The following FGL1 variants were observed in gnomAD, a reference collection of about 807,000 sequenced individuals.
The protein encoded by FGL1 is fibrinogen like 1, also known as fibrinogen-like protein 1.
Under a neutral mutation model 43.7 loss-of-function variants are expected in FGL1, and 59 were observed. The ratio of observed to expected loss-of-function variants is 1.35; its 90% confidence interval spans 1.10 to 1.68. The LOEUF (loss-of-function observed/expected upper bound fraction) is 1.68. Ranked by LOEUF, FGL1 falls within the 40% of genes most tolerant of loss-of-function variation. FGL1 has a pLI of 0.00. For synonymous variants in FGL1, 192 were observed against 126.5 expected, an observed-to-expected ratio of 1.52 and a Z score of -3.48; for missense variants, 596 against 373.0, an observed-to-expected ratio of 1.60 and a Z score of -4.92.
intron 1 of FGL1, among the ~76,000 whole-genome samples, chr8:17,889,766 G>C (rs891900991): frequency 6.6e-6 from 1 of 152,038 alleles, no homozygotes; most frequent in Non-Finnish European, 1.5e-5. Context: ...GTATTATGTT[G>C]AACTATAAGA....
intron 6 of FGL1, 34 bp downstream of exon 6, chr8:17,868,882 A>G: frequency 6.6e-7 from 1 of 1,521,422 alleles, no homozygotes; most frequent in East Asian, 2.3e-5. Flanking sequence ...TTAAGCATTT[A>G]TTCACGGTTT....
Position 17,868,750 on chromosome 8 carries a change from C to A in FGL1, c.592-15G>T. ...TCGTAGAAATTCTAAAGAAAAAGGG[C>A]ATTTCTGCTGTCAGTGGAGTTCCTC... On this transcript the variant is annotated splice_polypyrimidine_tract_variant and intron_variant, in intron 6 of 7. Transcript: ENST00000427924. The A allele has an allele frequency of 6.2e-7, 1 of 1,602,720 alleles. No homozygotes were observed.
chr8:17,891,738 T>A (rs1415037772), intron 1 of FGL1: 1 of 983,876 alleles, frequency 1.0e-6, no homozygotes, highest in Non-Finnish European at 1.2e-6. Context: ...CAGTTGCTTA[T>A]GGGAGATCAA....
In FGL1 at chr8:17,867,701, C is replaced by T. The variant is rs562917616; in HGVS notation, c.779+847G>A. Among the ~76,000 whole-genome samples the T allele has an allele frequency of 1.1e-3, 169 of 152,288 alleles. 1 individual carries two copies. The highest frequency in any genetic ancestry group is 3.8e-3 in the African/African-American group (156 of 41,538). On this transcript the variant is annotated intron_variant, in intron 7 of 7. Transcript: ENST00000427924. Reference sequence around the variant, plus strand: ...GCAGGGAGGGCTTTCAGCGTGGATACGCTAGACAGAGGGGTGACCCACCTC... The same window carrying T: ...GCAGGGAGGGCTTTCAGCGTGGATATGCTAGACAGAGGGGTGACCCACCTC...
At chr8:17,867,142 G>A (rs1022774633) in intron 7 of FGL1, among the ~76,000 whole-genome samples, 1 of 152,200 alleles carries the variant, frequency 6.6e-6, no homozygotes, top group Non-Finnish European at 1.5e-5. Context: ...CTTATCTGCA[G>A]GGGATACGTT....
chr8:17,868,465 A>G (rs1261055648), intron 7 of FGL1, 83 bp downstream of exon 7: 4 of 1,015,466 alleles, frequency 3.9e-6, no homozygotes, highest in Non-Finnish European at 5.5e-6. Flanking sequence ...GACTAACATT[A>G]CCATACATAT....
intron 1 of FGL1, chr8:17,891,808 C>T (rs35522859): frequency 3.1e-6 from 3 of 983,494 alleles, no homozygotes; most frequent in East Asian, 1.1e-4. Flanking sequence ...CATCTTCACC[C>T]TTCCAGCAAC....
At chr8:17,885,050 T>G in intron 2 of FGL1, among the ~76,000 whole-genome samples, 1 of 151,916 alleles carries the variant, frequency 6.6e-6, no homozygotes, top group Non-Finnish European at 1.5e-5. Flanking sequence ...AAGCACTTTT[T>G]TTTTTTTTGA....
At chr8:17,892,254 T>A (rs1333307702) in intron 1 of FGL1, among the ~76,000 whole-genome samples, 2 of 152,106 alleles carry the variant, frequency 1.3e-5, no homozygotes, top group African/African-American at 4.8e-5. Context: ...GTCACAGACA[T>A]ACAGTCATAA....
chr8:17,891,498 T>A (rs2053704495), intron 1 of FGL1: 1 of 159,982 alleles, frequency 6.3e-6, no homozygotes, highest in South Asian at 2.0e-4. Flanking sequence ...TGGATTAGGG[T>A]CTGCCCTAAT....
rs968333930 is a variant in FGL1, at chr8:17,874,398, A to G, written c.368T>C (p.Ile123Thr). The G allele has an allele frequency of 2.5e-6, 4 of 1,614,004 alleles. No individual in the cohort carries two copies. Among genetic ancestry groups the G allele is most frequent in the Non-Finnish European group, 3.4e-6 (4 of 1,179,998 alleles). ...DMSDGGGWTV[I>T]QRRSDGSENF... ...TTCACTGCCATCAGATCGTCTCTGA[A>G]TTACAGTCCATCCTCCTCCATCGGA... The change falls in exon 4 of 8, where the codon ATT (isoleucine) becomes ACT (threonine). Residue 123 changes from isoleucine (I) to threonine (T), a missense_variant. By Grantham distance (89) the Ile-to-Thr change is moderately conservative (BLOSUM62 -1). Coordinates refer to ENST00000427924, the MANE Select transcript of FGL1 (RefSeq NM_004467.4).
chr8:17,890,352 G>A (rs2131746802), intron 1 of FGL1, among the ~76,000 whole-genome samples: 1 of 152,276 alleles, frequency 6.6e-6, no homozygotes, highest in East Asian at 1.9e-4. Context: ...TAATCTGTGA[G>A]CATCCACCTC....
chr8:17,875,691 G>A (rs1356046196), intron 3 of FGL1, among the ~76,000 whole-genome samples: 1 of 151,526 alleles, frequency 6.6e-6, no homozygotes, highest in Non-Finnish European at 1.5e-5. Context: ...TACAACCTCC[G>A]CCTCCCGGGT....
chr8:17,864,589 C>A lies in FGL1; in HGVS notation c.*3G>T. 6.2e-7 allele frequency: 1 copy of A among 1,602,112 alleles called. No homozygotes were observed. The highest frequency in any genetic ancestry group is 8.5e-7 in the Non-Finnish European group (1 of 1,176,768). ...TGCAGAAACGAAAGCCCAACAGCAG[C>A]AATTAAATTACATTTGGAATAAAAT... is the stretch of plus-strand genomic sequence containing the variant. On this transcript the variant is annotated 3_prime_UTR_variant, in exon 8 of 8. Coordinates refer to ENST00000427924, the MANE Select transcript of FGL1 (RefSeq NM_004467.4).
chr8:17,882,262 G>A (rs2053549007), intron 2 of FGL1, 83 bp from the exon 3 acceptor site: 3 of 1,301,812 alleles, frequency 2.3e-6, no homozygotes, highest in African/African-American at 3.0e-5. Context: ...ATAAATCAGT[G>A]ATTCCATTTT....
chr8:17,867,289 T>C (rs953893827), intron 7 of FGL1, among the ~76,000 whole-genome samples: 2 of 151,946 alleles, frequency 1.3e-5, no homozygotes, highest in African/African-American at 4.8e-5. Flanking sequence ...TTTACCAAAC[T>C]GAAAGACATG....
Position 17,891,509 on chromosome 8 carries a change from C to G in FGL1, c.-18+3938G>C, listed in dbSNP as rs76593567. 4.0e-3 allele frequency: 698 copies of G among 173,064 alleles called. 5 individuals carry two copies. Among genetic ancestry groups the G allele is most frequent in the African/African-American group, 0.016 (667 of 41,846 alleles). The allele number at this position is 173,064 out of a possible 1,614,324, so 10.7% of individuals were successfully genotyped here. A position where few individuals can be genotyped will look rare whatever the true frequency, so the allele number is the denominator to read the frequency against. ...TCATTGGATTAGGGTCTGCCCTAAT[C>G]CAGTATGACCTCATCTTAACTCAGT... On this transcript the variant is annotated intron_variant, in intron 1 of 7. Transcript: ENST00000427924.
chr8:17,873,941 C>T (rs571679676), intron 5 of FGL1, 78 bp downstream of exon 5: 15 of 933,722 alleles, frequency 1.6e-5, no homozygotes, highest in Non-Finnish European at 2.3e-5. Context: ...AGTTCCATTG[C>T]CTATAATTTG....
chr8:17,874,048 T>C lies in FGL1; in HGVS notation c.473A>G (p.Asn158Ser). 6.2e-7 allele frequency: 1 copy of C among 1,611,368 alleles called. No homozygotes were observed. The highest frequency in any genetic ancestry group is 8.5e-7 in the Non-Finnish European group (1 of 1,179,362). Residue 158 changes from asparagine (N) to serine (S), a missense_variant, in exon 5 of 8, where the codon AAT (asparagine) becomes AGT (serine). By Grantham distance (46) the Asn-to-Ser change is conservative (BLOSUM62 1). Coordinates refer to ENST00000427924, the MANE Select transcript of FGL1 (RefSeq NM_004467.4). ...VQKHGEYWLG[N>S]KNLHFLTTQE... ...AGTGGTCAAGAAGTGAAGATTTTTATTGCCCAGCCAATATTCACCATGTTT... is the reference window on the plus strand; with the variant it reads ...AGTGGTCAAGAAGTGAAGATTTTTACTGCCCAGCCAATATTCACCATGTTT...
Sources: allele counts gnomAD v4.1 joint callset (sites outside exome capture counted in the v4.1 genomes callset), GRCh38; gene constraint gnomAD v4.1.1; transcripts MANE v1.5; gene names NCBI Gene and HGNC (gene_info 2026-07-23, HGNC 2026-07-21).